UFSP1: variants seen among roughly 807,000 people sequenced by gnomAD.
UFSP1 encodes the protein ufm1-specific protease 1.
For synonymous variants in UFSP1, 119 were observed against 77.6 expected (o/e 1.53, Z -2.81); for missense variants, 261 against 182.7 (o/e 1.43, Z -2.47).
rs770254716 is a variant in UFSP1, at chr7:100,888,864, C to T, written c.408G>A (p.Gln136=). The T allele has an allele frequency of 4.3e-6, 7 of 1,611,086 alleles. No homozygotes were observed. The South Asian group carries it at 6.6e-5, about 15-fold the overall frequency. The change falls in exon 1 of 1, where the codon CAG becomes CAA. Residue 136 remains glutamine (Q), a synonymous_variant. Coordinates refer to ENST00000388761, the MANE Select transcript of UFSP1 (RefSeq NM_001015072.4). The stretch of plus-strand genomic sequence containing the variant: ...GTCCTCAGTCCAAGGTGCGCTGCTG[C>T]TGTTGGGAGCTAAGGCTGGTCAAGC...
rs1790453782 is a variant in UFSP1, at chr7:100,888,856, CGCTGCTGCTGTTGGGAGCTAAG to C, written c.394_415del (p.Leu132AlafsTer?). The C allele has an allele frequency of 6.2e-7, 1 of 1,608,424 alleles. No individual in the cohort carries two copies. On this transcript the variant is annotated frameshift_variant, in exon 1 of 1. Coordinates refer to ENST00000388761, the MANE Select transcript of UFSP1 (RefSeq NM_001015072.4). LOFTEE classifies it high-confidence loss of function. ...GTAACTTCGTCCTCAGTCCAAGGTG[CGCTGCTGCTGTTGGGAGCTAAG>C]GCTGGTCAAGCACAGGTTGTAGAAG...
chr7:100,889,062 C>T lies in UFSP1; in HGVS notation c.210G>A (p.Arg70=). The stretch of plus-strand genomic sequence containing the variant: ...CGCAGACTCCCAGCAAGGCCTTGGA[C>T]CTGGCATCTGCGTCCCCCCCAACCA... The change falls in exon 1 of 1, where the codon AGG becomes AGA. Residue 70 remains arginine (R), a synonymous_variant. Coordinates refer to ENST00000388761, the MANE Select transcript of UFSP1 (RefSeq NM_001015072.4). The T allele has an allele frequency of 1.2e-6, 2 of 1,614,110 alleles. No individual in the cohort carries two copies. The highest frequency in any genetic ancestry group is 2.2e-5 in the East Asian group (1 of 44,888).
chr7:100,889,306 G>A lies in UFSP1; in HGVS notation c.-35C>T. Reference sequence around the variant, plus strand: ...GGCCGCCTGTACGGCGGCCAGTCCAGGTACGCCCGCGGGCTGGCCCTCTGG... The same window carrying A: ...GGCCGCCTGTACGGCGGCCAGTCCAAGTACGCCCGCGGGCTGGCCCTCTGG... On this transcript the variant is annotated 5_prime_UTR_variant, in exon 1 of 1. Transcript: ENST00000388761. 1 of 1,470,412 alleles carries A rather than the reference G, an allele frequency of 6.8e-7. No homozygotes were observed. Among genetic ancestry groups the A allele is most frequent in the Non-Finnish European group, 9.0e-7 (1 of 1,115,914 alleles). 91.1% of individuals were successfully genotyped at this position (1,470,412 alleles called of 1,614,324 possible).
In UFSP1 at chr7:100,889,094, G is replaced by A. The variant is rs1584766381; in HGVS notation, c.178C>T (p.Pro60Ser). ...TCTGCGTCCCCCCCAACCATGACTG[G>A]GCCCCCACCCCCTGCGAAGTGCGAG... is the stretch of plus-strand genomic sequence containing the variant. The change falls in exon 1 of 1, where the codon CCA becomes TCA. Residue 60 changes from proline to serine, a missense_variant. Physicochemically the swap from Pro to Ser is moderately conservative, Grantham distance 74 (BLOSUM62 -1). Coordinates refer to ENST00000388761, the MANE Select transcript of UFSP1 (RefSeq NM_001015072.4). The A allele has an allele frequency of 6.2e-7, 1 of 1,613,516 alleles. No homozygotes were observed. Among genetic ancestry groups the A allele is most frequent in the Non-Finnish European group, 8.5e-7 (1 of 1,179,816 alleles).
chr7:100,888,965 C>G lies in UFSP1; in HGVS notation c.307G>C (p.Glu103Gln), dbSNP rs1790461209. 4.3e-6 allele frequency: 7 copies of G among 1,614,106 alleles called. No individual in the cohort carries two copies. In the African/African-American group the frequency reaches 6.7e-5, roughly 15 times the overall value. Reference sequence around the variant, plus strand: ...CCCACCCACCCAGCAGCCTGTAGTTCACTGGGGCTTTTTGGAGTGCCCCAG... The same window carrying G: ...CCCACCCACCCAGCAGCCTGTAGTTGACTGGGGCTTTTTGGAGTGCCCCAG... Residue 103 changes from glutamate (E) to glutamine (Q), a missense_variant, in exon 1 of 1, where the codon GAA (glutamate) becomes CAA (glutamine). Glu to Gln is a conservative substitution (Grantham distance 29). Transcript: ENST00000388761.
Position 100,889,183 on chromosome 7 carries a change from G to A in UFSP1, c.89C>T (p.Pro30Leu), listed in dbSNP as rs199927605. The change falls in exon 1 of 1, where the codon CCC (proline) becomes CTC (leucine). Residue 30 changes from proline (P) to leucine (L), a missense_variant. Physicochemically the swap from Pro to Leu is moderately conservative, Grantham distance 98 (BLOSUM62 -3). Coordinates refer to ENST00000388761, the MANE Select transcript of UFSP1 (RefSeq NM_001015072.4). ...GGGTACGTGGCAGAGGCGTCCCTGG[G>A]GCCCTCCGAAGTGAGCGAGGCAGAG... 8.7e-6 allele frequency: 14 copies of A among 1,611,358 alleles called. No individual in the cohort carries two copies. In the African/African-American group the frequency reaches 1.2e-4, roughly 14 times the overall value.
Position 100,889,042 on chromosome 7 carries a change from A to G in UFSP1, c.230T>C (p.Val77Ala). The G allele has an allele frequency of 1.2e-6, 2 of 1,614,010 alleles. No homozygotes were observed. Among genetic ancestry groups the G allele is most frequent in the East Asian group, 2.2e-5 (1 of 44,876 alleles). The change falls in exon 1 of 1, where the codon GTC becomes GCC. Residue 77 changes from valine (V) to alanine (A), a missense_variant. Val to Ala is a moderately conservative substitution (Grantham distance 64). Coordinates refer to ENST00000388761, the MANE Select transcript of UFSP1 (RefSeq NM_001015072.4). ...GGCTTCCGTGCCTGACCCTACGCAG[A>G]CTCCCAGCAAGGCCTTGGACCTGGC...
At position 100,889,267 on chromosome 7, in the gene UFSP1, C is replaced by A. The variant is rs768438948; in HGVS notation, c.5G>T (p.Gly2Val). The A allele has an allele frequency of 2.0e-6, 3 of 1,526,850 alleles. No individual in the cohort carries two copies. Among genetic ancestry groups the A allele is most frequent in the Middle Eastern group, 4.7e-4 (2 of 4,250 alleles). The allele number at this position is 1,526,850 out of a possible 1,614,324, so 94.6% of individuals were successfully genotyped here. ...GCCCCGGAAGCCGGGGGGCTTGTCG[C>A]CCATGTCCTCCAGGGCCGCCTGTAC... The change falls in exon 1 of 1, where the codon GGC becomes GTC. Residue 2 changes from glycine to valine, a missense_variant. Gly to Val is a moderately radical substitution (Grantham distance 109). Coordinates refer to ENST00000388761, the MANE Select transcript of UFSP1 (RefSeq NM_001015072.4).
Position 100,889,158 on chromosome 7 carries a change from G to A in UFSP1, c.114C>T (p.Pro38=). ...GCTCCCCGTGCAGCCCCACTCCCCG[G>A]GGTACGTGGCAGAGGCGTCCCTGGG... The change falls in exon 1 of 1, where the codon CCC becomes CCT. Residue 38 remains proline (P), a synonymous_variant. Coordinates refer to ENST00000388761, the MANE Select transcript of UFSP1 (RefSeq NM_001015072.4). The A allele has an allele frequency of 1.9e-6, 3 of 1,612,832 alleles. No homozygotes were observed. Among genetic ancestry groups the A allele is most frequent in the Non-Finnish European group, 2.5e-6 (3 of 1,179,768 alleles).
rs13241786 is a variant in UFSP1, at chr7:100,889,035, T to G, written c.237A>C (p.Val79=). The change falls in exon 1 of 1, where the codon GTA becomes GTC. Residue 79 remains valine, a synonymous_variant. Coordinates refer to ENST00000388761, the MANE Select transcript of UFSP1 (RefSeq NM_001015072.4). ...GGACATAGGCTTCCGTGCCTGACCC[T>G]ACGCAGACTCCCAGCAAGGCCTTGG... The G allele has an allele frequency of 0.56, 909,597 of 1,613,798 alleles. 260,370 individuals carry two copies. The highest frequency in any genetic ancestry group is 0.83 in the East Asian group (37,179 of 44,868).
chr7:100,889,353 A>T lies in UFSP1; in HGVS notation c.-82T>A. ...CTGGCCACGAGCACAGCGTCTGCAG[A>T]GTGCGGTAGCCGCAGCCCCAGCCGC... On this transcript the variant is annotated 5_prime_UTR_variant, in exon 1 of 1. Transcript: ENST00000388761. The T allele has an allele frequency of 7.9e-7, 1 of 1,268,394 alleles. No homozygotes were observed. The allele number at this position is 1,268,394 out of a possible 1,614,324, so 78.6% of individuals were successfully genotyped here. A position where few individuals can be genotyped will look rare whatever the true frequency, so the allele number is the denominator to read the frequency against.
rs146266307 is a variant in UFSP1 at position 100,889,066 on chromosome 7, G to A, written c.206C>T (p.Ala69Val). The A allele has an allele frequency of 6.2e-7, 1 of 1,614,034 alleles. No individual in the cohort carries two copies. The highest frequency in any genetic ancestry group is 1.3e-5 in the African/African-American group (1 of 75,040). The change falls in exon 1 of 1, where the codon GCC becomes GTC. Residue 69 changes from alanine to valine, a missense_variant. By Grantham distance (64) the Ala-to-Val change is moderately conservative. Transcript: ENST00000388761. Reference sequence around the variant, plus strand: ...GACTCCCAGCAAGGCCTTGGACCTGGCATCTGCGTCCCCCCCAACCATGAC... The same window carrying A: ...GACTCCCAGCAAGGCCTTGGACCTGACATCTGCGTCCCCCCCAACCATGAC...
rs1790491277 is a variant in UFSP1, at chr7:100,889,400, CGTAGTGGTA to C, written c.-138_-130del. The C allele has an allele frequency of 5.0e-6, 4 of 804,572 alleles. No homozygotes were observed. The highest frequency in any genetic ancestry group is 4.3e-5 in the South Asian group (2 of 46,452). The allele number at this position is 804,572 out of a possible 1,614,324, so 49.8% of individuals were successfully genotyped here. A position where few individuals can be genotyped will look rare whatever the true frequency, so the allele number is the denominator to read the frequency against. Reference sequence around the variant, plus strand: ...CCGCGGTCGTCCAGGCCGTCGCAGCCGTAGTGGTAGTAGAGGTAGTGGCCCGAGAGCAGC... The same window carrying C: ...CCGCGGTCGTCCAGGCCGTCGCAGCCGTAGAGGTAGTGGCCCGAGAGCAGC... On this transcript the variant is annotated 5_prime_UTR_variant, in exon 1 of 1. Coordinates refer to ENST00000388761, the MANE Select transcript of UFSP1 (RefSeq NM_001015072.4).
In UFSP1 at chr7:100,888,839, G is replaced by T; in HGVS notation, c.*4C>A. ...CCGAGAATCTCAGTTCTGTAACTTC[G>T]TCCTCAGTCCAAGGTGCGCTGCTGC... On this transcript the variant is annotated 3_prime_UTR_variant, in exon 1 of 1. Transcript: ENST00000388761. 2 of 1,597,678 alleles carry T rather than the reference G, an allele frequency of 1.3e-6. No homozygotes were observed. Among genetic ancestry groups the T allele is most frequent in the Non-Finnish European group, 1.7e-6 (2 of 1,169,730 alleles).
chr7:100,889,510 G>C lies in UFSP1; in HGVS notation c.-239C>G, dbSNP rs1790496231. 2.2e-6 allele frequency: 1 copy of C among 459,090 alleles called. No individual in the cohort carries two copies. The highest frequency in any genetic ancestry group is 3.5e-5 in the East Asian group (1 of 28,408). 28.4% of individuals were successfully genotyped at this position (459,090 alleles called of 1,614,324 possible). On this transcript the variant is annotated 5_prime_UTR_variant, in exon 1 of 1. Coordinates refer to ENST00000388761, the MANE Select transcript of UFSP1 (RefSeq NM_001015072.4). ...CCTCAGCGGCTCCAGGGCGGTGGGC[G>C]GGAGCGGAGGTCCCAGGCCAGGCAC...
chr7:100,889,345 G>A lies in UFSP1; in HGVS notation c.-74C>T, dbSNP rs1790488587. Reference sequence around the variant, plus strand: ...CTGGCCCTCTGGCCACGAGCACAGCGTCTGCAGAGTGCGGTAGCCGCAGCC... The same window carrying A: ...CTGGCCCTCTGGCCACGAGCACAGCATCTGCAGAGTGCGGTAGCCGCAGCC... On this transcript the variant is annotated 5_prime_UTR_variant, in exon 1 of 1. Coordinates refer to ENST00000388761, the MANE Select transcript of UFSP1 (RefSeq NM_001015072.4). 7.6e-7 allele frequency: 1 copy of A among 1,311,256 alleles called. No homozygotes were observed. The highest frequency in any genetic ancestry group is 2.9e-5 in the Admixed American group (1 of 34,648). 81.2% of individuals were successfully genotyped at this position (1,311,256 alleles called of 1,614,324 possible).
In UFSP1 at chr7:100,889,093, G is replaced by A. The variant is rs1442781235; in HGVS notation, c.179C>T (p.Pro60Leu). The change falls in exon 1 of 1, where the codon CCA becomes CTA. Residue 60 changes from proline (P) to leucine (L), a missense_variant. Physicochemically the swap from Pro to Leu is moderately conservative, Grantham distance 98. Coordinates refer to ENST00000388761, the MANE Select transcript of UFSP1 (RefSeq NM_001015072.4). The stretch of plus-strand genomic sequence containing the variant: ...ATCTGCGTCCCCCCCAACCATGACT[G>A]GGCCCCCACCCCCTGCGAAGTGCGA... 3.1e-6 allele frequency: 5 copies of A among 1,613,332 alleles called. No homozygotes were observed. Among genetic ancestry groups the A allele is most frequent in the African/African-American group, 2.7e-5 (2 of 74,858 alleles).
chr7:100,888,936 C>G lies in UFSP1; in HGVS notation c.336G>C (p.Trp112Cys). The G allele has an allele frequency of 6.2e-6, 10 of 1,614,200 alleles. No homozygotes were observed. The highest frequency in any genetic ancestry group is 8.5e-6 in the Non-Finnish European group (10 of 1,180,038). Residue 112 changes from tryptophan to cysteine, a missense_variant, in exon 1 of 1, where the codon TGG (tryptophan) becomes TGC (cysteine). Physicochemically the swap from Trp to Cys is radical, Grantham distance 215. Coordinates refer to ENST00000388761, the MANE Select transcript of UFSP1 (RefSeq NM_001015072.4). ...GGTCAAAGGCTGCACTCACCTCTTG[C>G]CAGCCCACCCACCCAGCAGCCTGTA...
rs747858493 is a variant in UFSP1 at position 100,889,003 on chromosome 7, A to G, written c.269T>C (p.Leu90Ser). The G allele has an allele frequency of 1.9e-6, 3 of 1,614,148 alleles. No individual in the cohort carries two copies. Among genetic ancestry groups the G allele is most frequent in the African/African-American group, 1.3e-5 (1 of 75,022 alleles). Residue 90 changes from leucine (L) to serine (S), a missense_variant, in exon 1 of 1, where the codon TTG (leucine) becomes TCG (serine). Transcript: ENST00000388761. ...TGGAGTGCCCCAGTAGTGAGGGTCC[A>G]ATACCAGGACATAGGCTTCCGTGCC...
Sources: allele counts gnomAD v4.1 joint callset, GRCh38; gene constraint gnomAD v4.1.1; transcripts MANE v1.5; gene names NCBI Gene and HGNC (gene_info 2026-07-23, HGNC 2026-07-21).